JMJD1C: variants seen among roughly 807,000 people sequenced by gnomAD.
JMJD1C encodes the protein jumonji domain-containing protein 1C.
In JMJD1C, 31 loss-of-function variants were observed where a neutral mutation model predicts 245.3. The ratio of observed to expected loss-of-function variants is 0.13; its 90% CI spans 0.09 to 0.17. JMJD1C has a LOEUF of 0.17. Ranked by LOEUF, JMJD1C falls within the 10% of genes least tolerant of loss-of-function variation. The probability of loss-of-function intolerance (pLI) is 1.00; values close to 1 mark genes in which losing one functional copy is unlikely to be tolerated. For synonymous variants in JMJD1C, 1,057 were observed against 1,017.4 expected (o/e 1.04, Z -0.74); for missense variants, 2,691 against 3,000.2 (o/e 0.90, Z 2.41).
Position 63,206,776 on chromosome 10 carries a change from T to C in JMJD1C, c.4893A>G (p.Ser1631=), listed in dbSNP as rs978953712. 23 of 1,609,866 alleles carry C rather than the reference T, an allele frequency of 1.4e-5. No individual in the cohort carries two copies. The highest frequency in any genetic ancestry group is 1.8e-5 in the Non-Finnish European group (21 of 1,179,078). Reference sequence around the variant, plus strand: ...GCTCTGACTTGCTTTCACTTTCATCTGAGTCTCCACTTTCAGAGCCAGATT... The same window carrying C: ...GCTCTGACTTGCTTTCACTTTCATCCGAGTCTCCACTTTCAGAGCCAGATT... ...TYESGSESGD[S]DESESKSEQR... is the part of the protein sequence containing the mutation. The change falls in exon 10 of 26, where the codon TCA becomes TCG. Residue 1631 remains serine, a synonymous_variant. Coordinates refer to ENST00000399262, the MANE Select transcript of JMJD1C (RefSeq NM_032776.3).
intron 2 of JMJD1C, among the ~76,000 whole-genome samples, chr10:63,320,188 G>C (rs939339724): frequency 6.6e-6 from 1 of 152,136 alleles, no homozygotes; most frequent in Non-Finnish European, 1.5e-5. Flanking sequence ...TTACAGGAGT[G>C]AACCACCATG....
chr10:63,281,761 G>A (rs1857434637), intron 2 of JMJD1C, among the ~76,000 whole-genome samples: 1 of 152,012 alleles, frequency 6.6e-6, no homozygotes, highest in Non-Finnish European at 1.5e-5. Context: ...GAGCCACCAT[G>A]CCCAGCCAAT....
intron 1 of JMJD1C, among the ~76,000 whole-genome samples, chr10:63,433,384 C>T (rs1343533964): frequency 2.6e-5 from 4 of 152,092 alleles, no homozygotes; most frequent in Non-Finnish European, 5.9e-5. Context: ...GCTTGTGCCA[C>T]CGCGCCCGGC....
At chr10:63,183,758 TATA>T (rs1290984890) in intron 21 of JMJD1C, among the ~76,000 whole-genome samples, 189 bp from the exon 22 acceptor site, 2 of 152,200 alleles carry the variant, frequency 1.3e-5, no homozygotes, top group Admixed American at 1.3e-4. Flanking sequence ...ATTACATTTC[TATA>T]ATAAAATGTA....
Position 63,465,735 on chromosome 10 carries a change from G to GA in JMJD1C, c.-74_-73insT. ...CGATGAAACCTCACTCCTACCGGCC[G>GA]CTCATGCTGAGGAGAGCGGACCGGG... On this transcript the variant is annotated 5_prime_UTR_variant, in exon 1 of 26. The change abolishes the stop of an existing upstream ORF in the 5' untranslated region. Transcript: ENST00000399262. 1.9e-6 allele frequency: 3 copies of GA among 1,552,590 alleles called. No individual in the cohort carries two copies. The highest frequency in any genetic ancestry group is 2.6e-6 in the Non-Finnish European group (3 of 1,141,012).
At chr10:63,426,139 C>T (rs971928250) in intron 1 of JMJD1C, among the ~76,000 whole-genome samples, 7 of 152,134 alleles carry the variant, frequency 4.6e-5, no homozygotes, top group African/African-American at 1.7e-4. Flanking sequence ...CTTTGGGAGG[C>T]CAAGGCAGAA....
chr10:63,308,787 C>A (rs1938689523), intron 2 of JMJD1C, among the ~76,000 whole-genome samples: 2 of 139,684 alleles, frequency 1.4e-5, no homozygotes, highest in African/African-American at 5.2e-5. Context: ...AAACTGTCAT[C>A]AAAAAGAAAA....
intron 1 of JMJD1C, among the ~76,000 whole-genome samples, chr10:63,477,415 G>A (rs1953696581): frequency 6.6e-6 from 1 of 151,622 alleles, no homozygotes; most frequent in African/African-American, 2.4e-5. Flanking sequence ...TAGATGAACA[G>A]AACAAAATAA....
upstream of JMJD1C, chr10:63,466,350 A>C (rs1035304908): frequency 8.5e-5 from 13 of 153,028 alleles, no homozygotes; most frequent in African/African-American, 2.7e-4. Flanking sequence ...TGTTCAGAGC[A>C]CACAGCGCCC....
chr10:63,411,598 CTGAT>C (rs1949484063), intron 1 of JMJD1C, among the ~76,000 whole-genome samples: 1 of 141,396 alleles, frequency 7.1e-6, no homozygotes, highest in East Asian at 2.1e-4. Context: ...CACACTCGGC[CTGAT>C]TTTTTTTTTT....
chr10:63,191,855 C>T (rs1469844560), intron 16 of JMJD1C, among the ~76,000 whole-genome samples: 1 of 147,992 alleles, frequency 6.8e-6, no homozygotes, highest in Non-Finnish European at 1.5e-5. Flanking sequence ...CATTGTGGCA[C>T]GTGCCTGTAC....
intron 10 of JMJD1C, chr10:63,203,596 T>G (rs1846263931): frequency 1.0e-6 from 1 of 956,618 alleles, no homozygotes; most frequent in Non-Finnish European, 1.2e-6. Flanking sequence ...AAATTAAATG[T>G]AAAAATTAGA....
intron 4 of JMJD1C, among the ~76,000 whole-genome samples, chr10:63,218,033 T>C (rs1848193420): frequency 6.6e-6 from 1 of 152,090 alleles, no homozygotes. Context: ...AAACGATCTT[T>C]AATTCACAGG....
chr10:63,385,956 C>T (rs939252506), intron 1 of JMJD1C, among the ~76,000 whole-genome samples: 2 of 151,954 alleles, frequency 1.3e-5, no homozygotes, highest in East Asian at 1.9e-4. Context: ...GTGAAAACTA[C>T]AATACACCAA....
rs1491362612 is a variant in JMJD1C, at chr10:63,243,124, T to TATATAA, written c.447+21526_447+21527insTTATAT. On this transcript the variant is annotated intron_variant, in intron 3 of 25. Coordinates refer to ENST00000399262, the MANE Select transcript of JMJD1C (RefSeq NM_032776.3). ...TAAATTATATATATATATATATATA[T>TATATAA]AAATATATATATGGCTAGATAGGTA... Among the ~76,000 whole-genome samples, 68 of 85,792 alleles carry TATATAA rather than the reference T, an allele frequency of 7.9e-4. No homozygotes were observed. In the South Asian group the frequency reaches 0.016, roughly 20 times the overall value. 56.3% of individuals were successfully genotyped at this position (85,792 alleles called of 152,430 possible).
chr10:63,176,223 C>T, intron 24 of JMJD1C, 74 bp downstream of exon 24: 2 of 1,119,946 alleles, frequency 1.8e-6, no homozygotes, highest in East Asian at 2.5e-5. Context: ...TATATCTATA[C>T]TAAGAGCAAT....
intron 1 of JMJD1C, among the ~76,000 whole-genome samples, chr10:63,459,800 G>A (rs1952658454): frequency 6.6e-6 from 1 of 152,112 alleles, no homozygotes; most frequent in South Asian, 2.1e-4. Context: ...AAAGAAAAAG[G>A]AACCAAAACA....
intron 2 of JMJD1C, among the ~76,000 whole-genome samples, chr10:63,299,699 A>C (rs1006909080): frequency 1.5e-4 from 23 of 152,134 alleles, no homozygotes; most frequent in African/African-American, 5.6e-4. Flanking sequence ...CTTTGGCAAA[A>C]ACATAAAAAC....
intron 1 of JMJD1C, among the ~76,000 whole-genome samples, chr10:63,413,276 G>C (rs1949593995): frequency 6.6e-6 from 1 of 152,082 alleles, no homozygotes. Context: ...AGAACTGTTT[G>C]GACTTTACCT....
Sources: gnomAD v4.1 joint callset for allele counts (sites outside exome capture counted in the v4.1 genomes callset) on GRCh38, gnomAD v4.1.1 for gene constraint, MANE v1.5 for transcripts, NCBI Gene and HGNC (gene_info 2026-07-23, HGNC 2026-07-21) for gene names.